TTBK1: variants seen among roughly 807,000 people sequenced by gnomAD.
TTBK1 encodes the protein tau-tubulin kinase 1.
TTBK1 carries 34 observed loss-of-function variants against 108.5 expected under a neutral mutation model. That is an observed-to-expected ratio of 0.31 (90% CI 0.24 to 0.42). The LOEUF (loss-of-function observed/expected upper bound fraction) is 0.42. TTBK1 is among the 10% of genes least tolerant of loss of function. The pLI, the probability that TTBK1 is intolerant of heterozygous loss-of-function variation, is 1.00. For synonymous variants in TTBK1, 809 were observed against 795.1 expected, an observed-to-expected ratio of 1.02 and a Z score of -0.29; for missense variants, 1,539 against 1,826.0, an observed-to-expected ratio of 0.84 and a Z score of 2.86.
At position 43,262,855 on chromosome 6, in the gene TTBK1, G is replaced by A. The variant is rs1235135725; in HGVS notation, c.1491G>A (p.Leu497=). The A allele has an allele frequency of 6.2e-7, 1 of 1,610,588 alleles. No individual in the cohort carries two copies. The highest frequency in any genetic ancestry group is 8.5e-7 in the Non-Finnish European group (1 of 1,178,198). The stretch of plus-strand genomic sequence containing the variant: ...GCTCCTCTCAGCCAGCCCAGATGCT[G>A]TCAGTGGACACAGGCCACGCTGACC... ...QACSSQPAQM[L]SVDTGHADRQ... Residue 497 remains leucine, a synonymous_variant, in exon 13 of 15, where the codon CTG becomes CTA. Transcript: ENST00000259750.
Position 43,276,018 on chromosome 6 carries a change from C to T in TTBK1, c.1987-6709C>T, listed in dbSNP as rs1332113588. Among the ~76,000 whole-genome samples, 1 of 151,994 alleles carries T rather than the reference C, an allele frequency of 6.6e-6. No individual in the cohort carries two copies. The highest frequency in any genetic ancestry group is 1.5e-5 in the Non-Finnish European group (1 of 67,982). ...CTCAGCACCGGGGCCCAGCTGAGCC[C>T]CTTCCTGCGTAAGGAGACGCCTTCT... On this transcript the variant is annotated intron_variant, in intron 13 of 14. Transcript: ENST00000259750. This position sits in a 1 kb window ranked among gnomAD's most constrained non-coding sequence, Gnocchi z 5.4.
At position 43,269,570 on chromosome 6, in the gene TTBK1, G is replaced by A; in HGVS notation, c.1986+6220G>A. 2 of 1,458,452 alleles carry A rather than the reference G, an allele frequency of 1.4e-6. No individual in the cohort carries two copies. Among genetic ancestry groups the A allele is most frequent in the Non-Finnish European group, 1.8e-6 (2 of 1,100,344 alleles). The allele number at this position is 1,458,452 out of a possible 1,614,324, so 90.3% of individuals were successfully genotyped here. ...GCGCCGCAGGGGCTGTGAGCGGTGG[G>A]TGGCCCCGGAGACGGAGCTGTCGAG... On this transcript the variant is annotated intron_variant, in intron 13 of 14. Transcript: ENST00000259750. This position sits in a 1 kb window ranked among gnomAD's most constrained non-coding sequence, Gnocchi z 4.8.
rs200556050 is a variant in TTBK1, at chr6:43,282,946, G to A, written c.2206G>A (p.Glu736Lys). 7 of 1,608,408 alleles carry A rather than the reference G, an allele frequency of 4.4e-6. No homozygotes were observed. The East Asian group carries it at 8.9e-5, about 21-fold the overall frequency. Residue 736 changes from glutamate (E) to lysine (K), a missense_variant, in exon 14 of 15, where the codon GAG (glutamate) becomes AAG (lysine). Around this residue, in one of 5 missense-constraint regions of TTBK1, gnomAD observed 1,055 missense variants for 1,086.5 expected, o/e 0.97. Transcript: ENST00000259750. The surrounding 1 kb of genome is among the most constrained non-coding windows in gnomAD (Gnocchi z 5.4). ...QPQANGKEEE[E>K]EEEEDEEEEE... ...TCAGGCTAATGGGAAGGAGGAAGAG[G>A]AGGAGGAGGAGGAAGATGAGGAAGA...
rs200048691 is a variant in TTBK1, at chr6:43,283,479, C to T, written c.2739C>T (p.Val913=). The T allele has an allele frequency of 2.7e-5, 44 of 1,613,926 alleles. No homozygotes were observed. Among genetic ancestry groups the T allele is most frequent in the South Asian group, 2.4e-4 (22 of 91,090 alleles). Residue 913 remains valine (V), a synonymous_variant, in exon 14 of 15, where the codon GTC becomes GTT. Transcript: ENST00000259750. The surrounding 1 kb of genome is among the most constrained non-coding windows in gnomAD (Gnocchi z 8.1). ...GLGAGTVTTG[V]GGVAVTSSPF... ...GGGCCGGGACAGTGACCACAGGGGT[C>T]GGGGGCGTGGCAGTCACCTCCTCAC...
Position 43,257,552 on chromosome 6 carries a change from G to A in TTBK1, c.862-260G>A, listed in dbSNP as rs1037971796. 1.5e-4 allele frequency among the ~76,000 whole-genome samples: 23 copies of A among 152,260 alleles called. No homozygotes were observed. Among genetic ancestry groups the A allele is most frequent in the African/African-American group, 5.3e-4 (22 of 41,546 alleles). ...AAATGGCAGAGGAGGTTTGAAGATGGTAACCAGGGGACAGATCTCAGAGGG... is the reference window on the plus strand; with the variant it reads ...AAATGGCAGAGGAGGTTTGAAGATGATAACCAGGGGACAGATCTCAGAGGG... On this transcript the variant is annotated intron_variant, in intron 9 of 14. Coordinates refer to ENST00000259750, the MANE Select transcript of TTBK1 (RefSeq NM_032538.3). This position sits in a 1 kb window ranked among gnomAD's most constrained non-coding sequence, Gnocchi z 4.5.
At position 43,259,106 on chromosome 6, in the gene TTBK1, A is replaced by G. The variant is rs1379428040; in HGVS notation, c.1085A>G (p.Glu362Gly). 1 of 1,613,972 alleles carries G rather than the reference A, an allele frequency of 6.2e-7. No homozygotes were observed. The highest frequency in any genetic ancestry group is 1.3e-5 in the African/African-American group (1 of 74,918). The change falls in exon 11 of 15, where the codon GAG (glutamate) becomes GGG (glycine). Residue 362 changes from glutamate (E) to glycine (G), a missense_variant. Around this residue, in one of 5 missense-constraint regions of TTBK1, gnomAD observed 277 missense variants for 332.4 expected, o/e 0.83. Coordinates refer to ENST00000259750, the MANE Select transcript of TTBK1 (RefSeq NM_032538.3). This position sits in a 1 kb window ranked among gnomAD's most constrained non-coding sequence, Gnocchi z 6.7. ...AACACCGAGGATGTGCTACAGGGAG[A>G]GCACCTGAGTGACCAGGAGAATGCA... ...RENTEDVLQG[E>G]HLSDQENAPP...
chr6:43,247,269 C>T (rs1777117672), intron 2 of TTBK1, among the ~76,000 whole-genome samples: 1 of 152,222 alleles, frequency 6.6e-6, no homozygotes, highest in Admixed American at 6.5e-5. Context: ...GGTCCTGCGG[C>T]AGGTGCAGCA....
rs200294761 is a variant in TTBK1, at chr6:43,257,986, G to A, written c.1016+20G>A. ...GTTTGGGTGAGTCTCAGGAAGGCGAGCCACCAGCCCCTGCCTGGAGCTGTT... is the reference window on the plus strand; with the variant it reads ...GTTTGGGTGAGTCTCAGGAAGGCGAACCACCAGCCCCTGCCTGGAGCTGTT... On this transcript the variant is annotated intron_variant, in intron 10 of 14. Transcript: ENST00000259750. The surrounding 1 kb of genome is among the most constrained non-coding windows in gnomAD (Gnocchi z 4.5). 23 of 1,606,932 alleles carry A rather than the reference G, an allele frequency of 1.4e-5. No homozygotes were observed. The African/African-American group carries it at 2.8e-4, about 20-fold the overall frequency.
chr6:43,255,881 G>T lies in TTBK1; in HGVS notation c.861+25G>T, dbSNP rs747576948. ...GGTGGGAGCCTGCTACCCTGCCCCC[G>T]CTCCCTCGACACCACTCTGTGAGTG... On this transcript the variant is annotated intron_variant, in intron 9 of 14. Coordinates refer to ENST00000259750, the MANE Select transcript of TTBK1 (RefSeq NM_032538.3). The T allele has an allele frequency of 1.9e-6, 3 of 1,613,424 alleles. No homozygotes were observed. In the African/African-American group the frequency reaches 4.0e-5, roughly 22 times the overall value.
At chr6:43,272,126 G>C (rs1297090272) in intron 13 of TTBK1, 1 of 985,310 alleles carries the variant, frequency 1.0e-6, no homozygotes, top group Non-Finnish European at 1.2e-6. Flanking sequence ...ATCCACCCCA[G>C]GTAGTGGCAG....
In TTBK1 at chr6:43,259,718, G is replaced by T; in HGVS notation, c.1424+12G>T. On this transcript the variant is annotated intron_variant, in intron 12 of 14. Transcript: ENST00000259750. This position sits in a 1 kb window ranked among gnomAD's most constrained non-coding sequence, Gnocchi z 6.7. ...CTACCTGAGAGGAGGTGGGTCTGGG[G>T]CCAGGGGCATGGTTGGGGCCCAAGG... is the stretch of plus-strand genomic sequence containing the variant. 1 of 1,562,370 alleles carries T rather than the reference G, an allele frequency of 6.4e-7. No homozygotes were observed. Among genetic ancestry groups the T allele is most frequent in the East Asian group, 2.3e-5 (1 of 43,006 alleles).
intron 6 of TTBK1, 135 bp downstream of exon 6, chr6:43,254,786 G>T: frequency 1.2e-6 from 1 of 805,386 alleles, no homozygotes. Context: ...ACCCAGCTCT[G>T]GGTGTCCACA....
Position 43,263,908 on chromosome 6 carries a change from A to G in TTBK1, c.1986+558A>G, listed in dbSNP as rs970038302. On this transcript the variant is annotated intron_variant, in intron 13 of 14. Transcript: ENST00000259750. The surrounding 1 kb of genome is among the most constrained non-coding windows in gnomAD (Gnocchi z 4.7). ...GATGCAAGCAGGCCACGTGGCAGGC[A>G]GTGGCAAGAGAGTGTCCCAGTGGCT... 2.0e-5 allele frequency among the ~76,000 whole-genome samples: 3 copies of G among 152,222 alleles called. No individual in the cohort carries two copies. The highest frequency in any genetic ancestry group is 4.4e-5 in the Non-Finnish European group (3 of 68,040).
At chr6:43,279,483 T>C (rs947059834) in intron 13 of TTBK1, among the ~76,000 whole-genome samples, 3 of 152,110 alleles carry the variant, frequency 2.0e-5, no homozygotes, top group African/African-American at 7.2e-5. Context: ...CAGAGCTCTC[T>C]GTCTGTCTAC....
Position 43,283,079 on chromosome 6 carries a change from A to C in TTBK1, c.2339A>C (p.Glu780Ala). The change falls in exon 14 of 15, where the codon GAG becomes GCG. Residue 780 changes from glutamate to alanine, a missense_variant. By Grantham distance (107) the Glu-to-Ala change is moderately radical. Around this residue, in one of 5 missense-constraint regions of TTBK1, gnomAD observed 1,055 missense variants for 1,086.5 expected, o/e 0.97. Transcript: ENST00000259750. The surrounding 1 kb of genome is among the most constrained non-coding windows in gnomAD (Gnocchi z 8.1). ...EEAAAAVALG[E>A]VLGPRSGSSS... Reference sequence around the variant, plus strand: ...GCTGCAGCGGCAGTTGCCTTGGGGGAGGTGCTGGGGCCTCGTAGTGGCTCC... The same window carrying C: ...GCTGCAGCGGCAGTTGCCTTGGGGGCGGTGCTGGGGCCTCGTAGTGGCTCC... The C allele has an allele frequency of 6.3e-7, 1 of 1,586,126 alleles. No homozygotes were observed.
chr6:43,275,245 C>T (rs1312784399), intron 13 of TTBK1, among the ~76,000 whole-genome samples: 3 of 151,984 alleles, frequency 2.0e-5, no homozygotes, highest in Non-Finnish European at 4.4e-5. Context: ...CACGAATGTA[C>T]GGCCCGCCCC....
rs770552598 is a variant in TTBK1, at chr6:43,253,064, G to C, written c.256+178G>C. Among the ~76,000 whole-genome samples the C allele has an allele frequency of 6.6e-6, 1 of 152,114 alleles. No individual in the cohort carries two copies. Among genetic ancestry groups the C allele is most frequent in the Non-Finnish European group, 1.5e-5 (1 of 68,024 alleles). On this transcript the variant is annotated intron_variant, in intron 3 of 14. Coordinates refer to ENST00000259750, the MANE Select transcript of TTBK1 (RefSeq NM_032538.3). This position sits in a 1 kb window ranked among gnomAD's most constrained non-coding sequence, Gnocchi z 5.8. The stretch of plus-strand genomic sequence containing the variant: ...CCAGAGTCTAGGAGAGATGGGACCG[G>C]GGTCTAAGACAGTGATGGGGCAGGA...
Position 43,280,797 on chromosome 6 carries a change from T to C in TTBK1, c.1987-1930T>C, listed in dbSNP as rs1032112045. On this transcript the variant is annotated intron_variant, in intron 13 of 14. Coordinates refer to ENST00000259750, the MANE Select transcript of TTBK1 (RefSeq NM_032538.3). Reference sequence around the variant, plus strand: ...GACAGGAAAGTTGACAGGAAGGCTTTGTCTCCTCTTTGCTAAGACCAGGAG... The same window carrying C: ...GACAGGAAAGTTGACAGGAAGGCTTCGTCTCCTCTTTGCTAAGACCAGGAG... Among the ~76,000 whole-genome samples the C allele has an allele frequency of 2.0e-5, 3 of 152,186 alleles. No homozygotes were observed. In the South Asian group the frequency reaches 6.2e-4, roughly 32 times the overall value.
chr6:43,279,782 G>GT (rs1778102541), intron 13 of TTBK1, among the ~76,000 whole-genome samples: 1 of 151,838 alleles, frequency 6.6e-6, no homozygotes, highest in Non-Finnish European at 1.5e-5. Context: ...TGTTGTTGTT[G>GT]TGTTTTTTGA....
Sources: gnomAD v4.1 joint callset for allele counts (sites outside exome capture counted in the v4.1 genomes callset) on GRCh38, gnomAD v4.1.1 for gene constraint, gnomAD v4.1.1 regional missense constraint, Gnocchi (gnomAD v3.1) non-coding constraint, MANE v1.5 for transcripts, NCBI Gene and HGNC (gene_info 2026-07-23, HGNC 2026-07-21) for gene names.